Variants in COPS4 observed in about 807,000 individuals in gnomAD.
The protein encoded by COPS4 is COP9 signalosome complex subunit 4.
Under a neutral mutation model 55.1 loss-of-function variants are expected in COPS4, and 8 were observed. The ratio of observed to expected loss-of-function variants is 0.15; its 90% CI spans 0.09 to 0.26. The LOEUF (loss-of-function observed/expected upper bound fraction) is 0.26. Ranked by LOEUF, COPS4 falls within the 10% of genes least tolerant of loss-of-function variation. The probability of loss-of-function intolerance (pLI) is 1.00; values close to 1 mark genes in which losing one functional copy is unlikely to be tolerated. For missense variants in COPS4, 248 were observed against 484.0 expected, an observed-to-expected ratio of 0.51 and a Z score of 4.58; for synonymous variants, 185 against 165.7, an observed-to-expected ratio of 1.12 and a Z score of -0.90.
intron 7 of COPS4, among the ~76,000 whole-genome samples, chr4:83,065,829 C>A (rs1197106541): frequency 6.6e-6 from 1 of 152,184 alleles, no homozygotes; most frequent in East Asian, 1.9e-4. Context: ...TGTTGTGCTG[C>A]TGCTTGCTAG....
At chr4:83,067,615 C>T (rs541704300) in intron 8 of COPS4, among the ~76,000 whole-genome samples, 4 of 151,158 alleles carry the variant, frequency 2.6e-5, no homozygotes, top group South Asian at 4.2e-4. Context: ...CCTCCTGCTT[C>T]GGCCTCCCAA....
intron 4 of COPS4, among the ~76,000 whole-genome samples, chr4:83,055,320 T>C (rs1245394637): frequency 2.0e-5 from 3 of 152,242 alleles, no homozygotes; most frequent in East Asian, 1.9e-4. Context: ...CCACAGATAA[T>C]TGCTATTAGT....
At chr4:83,036,772 T>TATAG (rs10625739) in intron 1 of COPS4, among the ~76,000 whole-genome samples, 151,473 of 152,164 alleles carry the variant, frequency 1, 75,392 homozygotes, top group Middle Eastern at 1. Flanking sequence ...TTGTAATTTT[T>TATAG]ATATGGATGA....
At chr4:83,037,967 CTG>C (rs1730469227) in intron 1 of COPS4, among the ~76,000 whole-genome samples, 1 of 152,224 alleles carries the variant, frequency 6.6e-6, no homozygotes, top group African/African-American at 2.4e-5. Context: ...TTTCCCATAA[CTG>C]TGAATTAACA....
intron 4 of COPS4, among the ~76,000 whole-genome samples, chr4:83,051,245 A>G (rs1441701709): frequency 1.3e-5 from 2 of 152,044 alleles, no homozygotes; most frequent in African/African-American, 4.8e-5. Context: ...CCCTACAAAA[A>G]AATTTTTTTT....
At position 83,075,586 on chromosome 4, in the gene COPS4, G is replaced by A. The variant is rs1413349468; in HGVS notation, c.*156G>A. 4.0e-6 allele frequency: 3 copies of A among 743,362 alleles called. No individual in the cohort carries two copies. The allele number at this position is 743,362 out of a possible 1,614,324, so 46.0% of individuals were successfully genotyped here. A position where few individuals can be genotyped will look rare whatever the true frequency, so the allele number is the denominator to read the frequency against. ...GACATTATTAGAGCAGGAAGTACAA[G>A]CATTTAAAATATGTAGTTCCCATAT... is the stretch of plus-strand genomic sequence containing the variant. On this transcript the variant is annotated 3_prime_UTR_variant, in exon 10 of 10. Coordinates refer to ENST00000264389, the MANE Select transcript of COPS4 (RefSeq NM_016129.3).
At chr4:83,051,098 C>CA (rs536123309) in intron 4 of COPS4, among the ~76,000 whole-genome samples, 13,621 of 102,834 alleles carry the variant, frequency 0.13, 1,580 homozygotes, top group African/African-American at 0.33. Flanking sequence ...CCATCTCCAC[C>CA]AAAAAAAAAA....
chr4:83,072,518 T>C (rs932417226), intron 9 of COPS4, among the ~76,000 whole-genome samples: 2 of 152,234 alleles, frequency 1.3e-5, no homozygotes, highest in African/African-American at 4.8e-5. Context: ...TTTCCTGTAT[T>C]GATTAGGAAA....
chr4:83,051,607 A>G (rs761020125), intron 4 of COPS4, among the ~76,000 whole-genome samples: 58 of 152,288 alleles, frequency 3.8e-4, no homozygotes, highest in Middle Eastern at 6.8e-3. Context: ...AGTGGGGAAG[A>G]ATAGGTTTGT....
intron 7 of COPS4, among the ~76,000 whole-genome samples, chr4:83,063,659 G>A (rs2868744): frequency 0.26 from 39,274 of 150,688 alleles, 5,619 homozygotes; most frequent in East Asian, 0.5. Flanking sequence ...CGCCTGCCTC[G>A]GCCTCCCAAA....
At chr4:83,036,273 G>T (rs962260828) in intron 1 of COPS4, among the ~76,000 whole-genome samples, 1 of 143,596 alleles carries the variant, frequency 7.0e-6, no homozygotes, top group East Asian at 2.1e-4. Flanking sequence ...CCCCCCCGCC[G>T]CCACCCGTCT....
At chr4:83,063,909 A>G (rs1731235982) in intron 7 of COPS4, among the ~76,000 whole-genome samples, 1 of 152,248 alleles carries the variant, frequency 6.6e-6, no homozygotes, top group African/African-American at 2.4e-5. Flanking sequence ...GATGTTGCTC[A>G]GGCTGATCTC....
chr4:83,044,079 C>G (rs1730639369), intron 1 of COPS4, among the ~76,000 whole-genome samples: 1 of 152,194 alleles, frequency 6.6e-6, no homozygotes. Flanking sequence ...TATTTCGTAA[C>G]TCTATTCTGG....
At chr4:83,061,408 A>AT (rs1731162083) in intron 6 of COPS4, among the ~76,000 whole-genome samples, 1 of 152,000 alleles carries the variant, frequency 6.6e-6, no homozygotes, top group South Asian at 2.1e-4. Context: ...TAGCCTTCTT[A>AT]TTTTTTTATA....
At chr4:83,052,945 G>T (rs1234016993) in intron 4 of COPS4, among the ~76,000 whole-genome samples, 2 of 152,190 alleles carry the variant, frequency 1.3e-5, no homozygotes, top group Non-Finnish European at 2.9e-5. Flanking sequence ...CGGTGGATGG[G>T]GTTGCAGTGT....
At chr4:83,041,306 G>A (rs1044844622) in intron 1 of COPS4, among the ~76,000 whole-genome samples, 7 of 151,430 alleles carry the variant, frequency 4.6e-5, no homozygotes, top group Admixed American at 2.6e-4. Flanking sequence ...CAGGTGATCC[G>A]CCCACCTCAG....
At chr4:83,059,036 GAGCATTTTTCGT>G (rs1349309191) in intron 6 of COPS4, among the ~76,000 whole-genome samples, 3 of 151,836 alleles carry the variant, frequency 2.0e-5, no homozygotes, top group Non-Finnish European at 4.4e-5. Flanking sequence ...GAATGCTCTT[GAGCATTTTTCGT>G]ATGTTTAAAA....
intron 6 of COPS4, among the ~76,000 whole-genome samples, chr4:83,059,072 TC>T (rs1432106656): frequency 6.6e-6 from 1 of 152,206 alleles, no homozygotes; most frequent in African/African-American, 2.4e-5. Context: ...TTGTTGAAAA[TC>T]TGTATTTCTT....
intron 7 of COPS4, 120 bp downstream of exon 7, chr4:83,063,366 A>G: frequency 1.5e-6 from 1 of 677,576 alleles, no homozygotes; most frequent in Non-Finnish European, 2.2e-6. Flanking sequence ...TCATAAAAAA[A>G]GAGGAATTGT....
Sources: gnomAD v4.1 joint callset for allele counts (sites outside exome capture counted in the v4.1 genomes callset) on GRCh38, gnomAD v4.1.1 for gene constraint, MANE v1.5 for transcripts, NCBI Gene and HGNC (gene_info 2026-07-23, HGNC 2026-07-21) for gene names.